Variants in AKAP13 observed in about 807,000 individuals in gnomAD.
AKAP13 encodes the protein A-kinase anchor protein 13.
A neutral mutation model predicts 264.5 loss-of-function variants in AKAP13; 80 were observed. The observed-to-expected ratio is 0.30, with a 90% CI of 0.25 to 0.36. The LOEUF (loss-of-function observed/expected upper bound fraction) is 0.36, where lower values mean the gene tolerates loss of function less well. Ranked by LOEUF, AKAP13 falls within the 10% of genes least tolerant of loss-of-function variation. The pLI, the probability that AKAP13 is intolerant of heterozygous loss-of-function variation, is 1.00. For synonymous variants in AKAP13, 1,380 were observed against 1,250.2 expected, an observed-to-expected ratio of 1.10 and a Z score of -2.19; for missense variants, 3,712 against 3,435.2, an observed-to-expected ratio of 1.08 and a Z score of -2.01.
chr15:85,517,429 G>A (rs561325823), intron 2 of AKAP13, among the ~76,000 whole-genome samples: 6 of 152,050 alleles, frequency 3.9e-5, no homozygotes, highest in Non-Finnish European at 4.4e-5. Context: ...GACATGGAGA[G>A]TCTCCCAGCA....
intron 18 of AKAP13, among the ~76,000 whole-genome samples, chr15:85,709,986 C>T (rs1435815674): frequency 6.6e-6 from 1 of 152,128 alleles, no homozygotes; most frequent in Non-Finnish European, 1.5e-5. Flanking sequence ...CCGCACCCTG[C>T]CTGGAATTTC....
rs180979217 is a variant in AKAP13 at position 85,732,338 on chromosome 15, C to T, written c.7282+1631C>T. On this transcript the variant is annotated intron_variant, in intron 30 of 36. Coordinates refer to ENST00000394518, the MANE Select transcript of AKAP13 (RefSeq NM_007200.5). ...TAAGTGGGAAATTATATTTTCAGACCACAGTCTGGGTACTGGGAGTGGTCA... is the reference window on the plus strand; with the variant it reads ...TAAGTGGGAAATTATATTTTCAGACTACAGTCTGGGTACTGGGAGTGGTCA... Among the ~76,000 whole-genome samples the T allele has an allele frequency of 1.8e-3, 275 of 151,976 alleles. 1 individual carries two copies. Among genetic ancestry groups the T allele is most frequent in the Admixed American group, 3.7e-3 (57 of 15,268 alleles).
chr15:85,681,577 T>C (rs2084601336), intron 14 of AKAP13, among the ~76,000 whole-genome samples: 1 of 151,950 alleles, frequency 6.6e-6, no homozygotes, highest in African/African-American at 2.4e-5. Context: ...ATCTGTTTTA[T>C]CTCCCTCATT....
chr15:85,643,636 G>C (rs1366266824), intron 9 of AKAP13, among the ~76,000 whole-genome samples: 2 of 152,114 alleles, frequency 1.3e-5, no homozygotes, highest in African/African-American at 4.8e-5. Flanking sequence ...GTCATTCTGT[G>C]TTCCAAAACC....
intron 1 of AKAP13, among the ~76,000 whole-genome samples, chr15:85,433,119 T>A (rs1351214444): frequency 2.9e-5 from 2 of 69,168 alleles, no homozygotes; most frequent in African/African-American, 8.8e-5. Context: ...TCTGTACAGT[T>A]TTTTTTTTTT....
At chr15:85,442,835 C>T (rs1474040887) in intron 1 of AKAP13, among the ~76,000 whole-genome samples, 3 of 151,822 alleles carry the variant, frequency 2.0e-5, no homozygotes, top group African/African-American at 7.3e-5. Flanking sequence ...AAATATTTCT[C>T]TTGAGAAGGG....
intron 2 of AKAP13, among the ~76,000 whole-genome samples, chr15:85,511,286 A>G (rs2076409401): frequency 6.6e-6 from 1 of 152,084 alleles, no homozygotes; most frequent in Non-Finnish European, 1.5e-5. Flanking sequence ...CCTTGCTGGA[A>G]CACCAGCGTC....
At chr15:85,446,710 C>CTT (rs67306030) in intron 1 of AKAP13, among the ~76,000 whole-genome samples, 12 of 124,422 alleles carry the variant, frequency 9.6e-5, no homozygotes, top group Non-Finnish European at 1.7e-4. Flanking sequence ...TTTTCTTTTT[C>CTT]TTTTTTTTTT....
At chr15:85,383,304 C>G (rs1395247704) in intron 1 of AKAP13, among the ~76,000 whole-genome samples, 6 of 152,142 alleles carry the variant, frequency 3.9e-5, no homozygotes, top group Admixed American at 6.5e-5. Flanking sequence ...AACTAGGTAG[C>G]GTTCAGATCT....
At chr15:85,666,009 A>C (rs1360865434) in intron 13 of AKAP13, among the ~76,000 whole-genome samples, 1 of 152,228 alleles carries the variant, frequency 6.6e-6, no homozygotes, top group African/African-American at 2.4e-5. Context: ...TCTTTATAGT[A>C]GCTTGATTTA....
chr15:85,589,562 C>A (rs1201576982), intron 8 of AKAP13, among the ~76,000 whole-genome samples: 1 of 150,446 alleles, frequency 6.6e-6, no homozygotes. Flanking sequence ...TCGTGACCAG[C>A]CTGGCTAACA....
chr15:85,502,990 C>T lies in AKAP13; in HGVS notation c.33+17237C>T, dbSNP rs536637446. Among the ~76,000 whole-genome samples the T allele has an allele frequency of 5.9e-5, 9 of 152,242 alleles. No homozygotes were observed. In the South Asian group the frequency reaches 1.7e-3, roughly 28 times the overall value. On this transcript the variant is annotated intron_variant, in intron 2 of 36. Transcript: ENST00000394518. ...TAGAAGAGATTAAGAGAGGTAGAGA[C>T]ATGGAGATTATGAAATGTGGGATGT...
At chr15:85,454,741 A>C (rs551881827) in intron 1 of AKAP13, among the ~76,000 whole-genome samples, 1 of 152,178 alleles carries the variant, frequency 6.6e-6, no homozygotes, top group African/African-American at 2.4e-5. Flanking sequence ...GAGTTGTTCA[A>C]CTGTCACTGT....
intron 12 of AKAP13, among the ~76,000 whole-genome samples, chr15:85,660,976 A>T (rs1430582707): frequency 6.6e-6 from 1 of 152,172 alleles, no homozygotes; most frequent in African/African-American, 2.4e-5. Context: ...TGTCCAGTAT[A>T]GGTGTTTTTG....
At chr15:85,440,428 A>G (rs1267895706) in intron 1 of AKAP13, among the ~76,000 whole-genome samples, 1 of 152,164 alleles carries the variant, frequency 6.6e-6, no homozygotes, top group African/African-American at 2.4e-5. Flanking sequence ...TGTATTGTAA[A>G]TTCATGGATT....
At chr15:85,641,747 A>C (rs1013390881) in intron 9 of AKAP13, among the ~76,000 whole-genome samples, 10 of 151,782 alleles carry the variant, frequency 6.6e-5, no homozygotes, top group Non-Finnish European at 1.3e-4. Flanking sequence ...CATCCTTCCA[A>C]AGTGCTTACA....
Position 85,747,755 on chromosome 15 carries a change from A to C in AKAP13, c.*3078A>C, listed in dbSNP as rs2089412786. On this transcript the variant is annotated 3_prime_UTR_variant, in exon 37 of 37. Coordinates refer to ENST00000394518, the MANE Select transcript of AKAP13 (RefSeq NM_007200.5). ...TTCAACCTTTGCCAGTATTCCCTCT[A>C]CCCCCGTGAGAGCTATCTGGGGGGA... 1 of 152,530 alleles carries C rather than the reference A, an allele frequency of 6.6e-6. No homozygotes were observed. Among genetic ancestry groups the C allele is most frequent in the Non-Finnish European group, 1.5e-5 (1 of 67,998 alleles). The allele number at this position is 152,530 out of a possible 1,614,324, so 9.4% of individuals were successfully genotyped here.
intron 29 of AKAP13, among the ~76,000 whole-genome samples, chr15:85,729,176 G>A (rs1159650601): frequency 6.6e-6 from 1 of 152,056 alleles, no homozygotes; most frequent in Non-Finnish European, 1.5e-5. Flanking sequence ...GCACGTGCCT[G>A]TAATCCCAGC....
intron 1 of AKAP13, among the ~76,000 whole-genome samples, chr15:85,479,705 A>G (rs2075292053): frequency 6.6e-6 from 1 of 152,156 alleles, no homozygotes; most frequent in African/African-American, 2.4e-5. Context: ...CACCAAGTTA[A>G]CAGGTACAGA....
Sources: gnomAD v4.1 joint callset for allele counts (sites outside exome capture counted in the v4.1 genomes callset) on GRCh38, gnomAD v4.1.1 for gene constraint, MANE v1.5 for transcripts, NCBI Gene and HGNC (gene_info 2026-07-23, HGNC 2026-07-21) for gene names.